ZNF385C: variants seen among roughly 807,000 people sequenced by gnomAD.
ZNF385C encodes zinc finger protein 385C.
A neutral mutation model predicts 35.4 loss-of-function variants in ZNF385C; 28 were observed. The observed-to-expected ratio is 0.79, with a 90% CI of 0.59 to 1.08. The LOEUF is 1.08. Among genes scored for constraint, ZNF385C ranks in the 50% least tolerant of loss-of-function variants. ZNF385C has a pLI of 0.00. For missense variants in ZNF385C, 605 were observed against 595.6 expected (o/e 1.02, Z -0.16); for synonymous variants, 248 against 248.2 (o/e 1.00, Z 0.01).
chr17:42,040,652 C>T, intron 2 of ZNF385C: 1 of 1,232,306 alleles, frequency 8.1e-7, no homozygotes, highest in Non-Finnish European at 1.0e-6. Context: ...ACTGCTTCCA[C>T]TACAGGCAGC....
chr17:42,031,755 G>A lies in ZNF385C; in HGVS notation c.540C>T (p.His180=). ...CAGCCTTGAGTTTTCTGGCGTGTTT[G>A]TGGCCTTTATAATGTGCCTCGGCCT... is the stretch of plus-strand genomic sequence containing the variant. ...ANQAEAHYKG[H]KHARKLKAVE... is the part of the protein sequence containing the mutation. The change falls in exon 5 of 9, where the codon CAC becomes CAT. Residue 180 remains histidine (H), a synonymous_variant. Transcript: ENST00000692273. 6.4e-7 allele frequency: 1 copy of A among 1,550,926 alleles called. No homozygotes were observed. The highest frequency in any genetic ancestry group is 8.7e-7 in the Non-Finnish European group (1 of 1,147,088).
rs1220665312 is a variant in ZNF385C, at chr17:42,050,067, C to T, written c.251-12182G>A. 5.9e-5 allele frequency among the ~76,000 whole-genome samples: 9 copies of T among 152,212 alleles called. No homozygotes were observed. The highest frequency in any genetic ancestry group is 1.9e-4 in the African/African-American group (8 of 41,444). On this transcript the variant is annotated intron_variant, in intron 2 of 8. Coordinates refer to ENST00000692273, the MANE Select transcript of ZNF385C (RefSeq NM_001392013.1). The surrounding 1 kb of genome is among the most constrained non-coding windows in gnomAD (Gnocchi z 5.6). The stretch of plus-strand genomic sequence containing the variant: ...AGTGGAGTGAGGTGTAAACAAAACT[C>T]CATGGGTCCAGTTGTGACCAAGGCT...
At chr17:42,081,315 G>A (rs1400676857) in intron 1 of ZNF385C, among the ~76,000 whole-genome samples, 1 of 152,116 alleles carries the variant, frequency 6.6e-6, no homozygotes, top group African/African-American at 2.4e-5. Context: ...CCTGCCTGAG[G>A]GTTTTTGGCC....
intron 3 of ZNF385C, among the ~76,000 whole-genome samples, chr17:42,035,915 G>A (rs989764792): frequency 6.6e-6 from 1 of 152,180 alleles, no homozygotes; most frequent in Non-Finnish European, 1.5e-5. Flanking sequence ...CCAGTAGGGG[G>A]CAGGGAGCAG....
At chr17:42,040,085 G>A in intron 2 of ZNF385C, 3 of 1,231,274 alleles carry the variant, frequency 2.4e-6, no homozygotes, top group Non-Finnish European at 3.0e-6. Flanking sequence ...ACCACGGCAG[G>A]AGCAAAGCCG....
At chr17:42,041,635 T>TG (rs1477455791) in intron 2 of ZNF385C, among the ~76,000 whole-genome samples, 1 of 152,164 alleles carries the variant, frequency 6.6e-6, no homozygotes, top group Non-Finnish European at 1.5e-5. Context: ...GCCCTATTCC[T>TG]GGGGGTCTCC....
intron 1 of ZNF385C, among the ~76,000 whole-genome samples, chr17:42,081,578 C>T (rs782290328): frequency 2.6e-5 from 4 of 152,062 alleles, no homozygotes; most frequent in South Asian, 4.1e-4. Flanking sequence ...GGTTTCACCA[C>T]GTTGACCAGG....
intron 1 of ZNF385C, among the ~76,000 whole-genome samples, chr17:42,064,378 G>A (rs976598689): frequency 6.6e-6 from 1 of 152,162 alleles, no homozygotes; most frequent in Non-Finnish European, 1.5e-5. Context: ...CCAAGGCTAG[G>A]GCCTGGGTGA....
chr17:42,062,985 G>C lies in ZNF385C; in HGVS notation c.72C>G (p.Leu24=). ...ETPISGAAEC[L]PRPPEPPKPK... ...GCTTAGGTGGTTCTGGGGGCCGAGG[G>C]AGGCACTCAGCAGCTCCAGATATGG... is the stretch of plus-strand genomic sequence containing the variant. Residue 24 remains leucine (L), a synonymous_variant, in exon 2 of 9, where the codon CTC becomes CTG. Coordinates refer to ENST00000692273, the MANE Select transcript of ZNF385C (RefSeq NM_001392013.1). 1.4e-6 allele frequency: 1 copy of C among 694,360 alleles called. No homozygotes were observed. The allele number at this position is 694,360 out of a possible 1,614,324, so 43.0% of individuals were successfully genotyped here.
intron 2 of ZNF385C, among the ~76,000 whole-genome samples, chr17:42,044,346 G>A (rs1555656419): frequency 2.7e-5 from 4 of 149,434 alleles, no homozygotes; most frequent in Non-Finnish European, 1.5e-5. Context: ...GCCGGGTGGG[G>A]TGGCTCATGC....
chr17:42,081,675 C>T (rs2053750897), intron 1 of ZNF385C, among the ~76,000 whole-genome samples: 1 of 152,188 alleles, frequency 6.6e-6, no homozygotes, highest in Admixed American at 6.5e-5. Flanking sequence ...CACGCCCAAC[C>T]TCTACCCAGA....
chr17:42,043,158 G>A, intron 2 of ZNF385C: 1 of 1,232,226 alleles, frequency 8.1e-7, no homozygotes, highest in Non-Finnish European at 1.0e-6. Flanking sequence ...GCAGGGCGTG[G>A]CGCTGGAAGT....
At chr17:42,043,006 A>G (rs1010794734) in intron 2 of ZNF385C, 1 of 1,232,368 alleles carries the variant, frequency 8.1e-7, no homozygotes. Flanking sequence ...GGCCGGGTCT[A>G]ACTCCACCTT....
chr17:42,078,156 TGTG>T (rs1434962092), intron 1 of ZNF385C, among the ~76,000 whole-genome samples: 1 of 152,120 alleles, frequency 6.6e-6, no homozygotes, highest in Non-Finnish European at 1.5e-5. Flanking sequence ...GCAGAGATGA[TGTG>T]GAGACAACAG....
chr17:42,060,212 A>C (rs1392232714), intron 2 of ZNF385C, among the ~76,000 whole-genome samples: 2 of 152,074 alleles, frequency 1.3e-5, no homozygotes, highest in Non-Finnish European at 2.9e-5. Flanking sequence ...CACCCCCCAC[A>C]CACCCCACAT....
intron 2 of ZNF385C, chr17:42,040,281 G>T: frequency 4.1e-6 from 5 of 1,231,668 alleles, no homozygotes; most frequent in Non-Finnish European, 5.1e-6. Flanking sequence ...CCAAGCCCCG[G>T]ACCGCAGCCT....
rs1555657002 is a variant in ZNF385C, at chr17:42,050,426, G to C, written c.250+12381C>G. 1 of 152,092 alleles carries C rather than the reference G, an allele frequency of 6.6e-6. No individual in the cohort carries two copies. Among genetic ancestry groups the C allele is most frequent in the Non-Finnish European group, 1.5e-5 (1 of 68,026 alleles). The allele number at this position is 152,092 out of a possible 1,614,324, so 9.4% of individuals were successfully genotyped here. On this transcript the variant is annotated intron_variant, in intron 2 of 8. Coordinates refer to ENST00000692273, the MANE Select transcript of ZNF385C (RefSeq NM_001392013.1). The surrounding 1 kb of genome is among the most constrained non-coding windows in gnomAD (Gnocchi z 5.6). ...CGGGGAGGGCTGAGGAACTTCCTCT[G>C]GGGGGCGCGCGGTGACAGAGCCCTC...
At chr17:42,070,806 G>A (rs1469801818) in intron 1 of ZNF385C, among the ~76,000 whole-genome samples, 1 of 152,226 alleles carries the variant, frequency 6.6e-6, no homozygotes, top group Non-Finnish European at 1.5e-5. Flanking sequence ...AGCCTCATCT[G>A]TTCCTGTCCT....
intron 2 of ZNF385C, chr17:42,040,973 C>T: frequency 8.1e-7 from 1 of 1,232,282 alleles, no homozygotes; most frequent in African/African-American, 1.5e-5. Context: ...TGCAGGATGT[C>T]CAAGAGCTGG....
Sources: gnomAD v4.1 joint callset for allele counts (sites outside exome capture counted in the v4.1 genomes callset) on GRCh38, gnomAD v4.1.1 for gene constraint, Gnocchi (gnomAD v3.1) non-coding constraint, MANE v1.5 for transcripts, NCBI Gene and HGNC (gene_info 2026-07-23, HGNC 2026-07-21) for gene names.